PALLD: variants seen among roughly 807,000 people sequenced by gnomAD.
PALLD encodes palladin.
PALLD carries 61 observed loss-of-function variants against 123.5 expected under a neutral mutation model. The ratio of observed to expected loss-of-function variants is 0.49; its 90% CI spans 0.40 to 0.61. The LOEUF (loss-of-function observed/expected upper bound fraction) is 0.61, where lower values mean the gene tolerates loss of function less well. PALLD is among the 20% of genes least tolerant of loss of function. The pLI, the probability that PALLD is intolerant of heterozygous loss-of-function variation, is 0.00. For missense variants in PALLD, 1,273 were observed against 1,377.0 expected (o/e 0.92, Z 1.20); for synonymous variants, 465 against 496.4 (o/e 0.94, Z 0.84).
At chr4:168,877,621 T>A (rs917685320) in intron 10 of PALLD, 46 of 466,816 alleles carry the variant, frequency 9.9e-5, no homozygotes, top group Non-Finnish European at 1.3e-4. Flanking sequence ...TCTCTGCAGC[T>A]GGCCTAAGTG....
intron 10 of PALLD, among the ~76,000 whole-genome samples, chr4:168,826,971 C>T (rs990501852): frequency 3.9e-5 from 6 of 152,284 alleles, no homozygotes; most frequent in South Asian, 2.1e-4. Context: ...GGAATTGTCT[C>T]GGATGTTCAA....
At chr4:168,877,241 G>C (rs1026206381) in intron 10 of PALLD, among the ~76,000 whole-genome samples, 5 of 152,200 alleles carry the variant, frequency 3.3e-5, no homozygotes, top group African/African-American at 9.6e-5. Context: ...ATGTAGAGTT[G>C]ACAGCACTGA....
intron 10 of PALLD, among the ~76,000 whole-genome samples, chr4:168,786,886 T>A (rs1367087748): frequency 6.6e-6 from 1 of 152,198 alleles, no homozygotes; most frequent in Non-Finnish European, 1.5e-5. Context: ...CATGAAAAGC[T>A]GTGGTTTGCA....
In PALLD at chr4:168,679,582, C is replaced by T. The variant is rs143545765; in HGVS notation, c.1088-1750C>T. Among the ~76,000 whole-genome samples the T allele has an allele frequency of 1.0e-3, 145 of 144,810 alleles. 1 individual carries two copies. The Middle Eastern group carries it at 0.045, about 45-fold the overall frequency. On this transcript the variant is annotated intron_variant, in intron 3 of 21. Coordinates refer to ENST00000505667, the MANE Select transcript of PALLD (RefSeq NM_001166108.2). ...GTGTGTGTGTGTGTCCTCTTCACTG[C>T]GTATCCCCCTTACTTATGGAGTGCA... is the stretch of plus-strand genomic sequence containing the variant.
At chr4:168,707,114 C>T (rs1271362635) in intron 8 of PALLD, among the ~76,000 whole-genome samples, 1 of 152,042 alleles carries the variant, frequency 6.6e-6, no homozygotes, top group African/African-American at 2.4e-5. Flanking sequence ...TCTTTTGTTT[C>T]AGGGTTTAAA....
intron 2 of PALLD, among the ~76,000 whole-genome samples, chr4:168,589,671 T>C (rs978887614): frequency 2.6e-5 from 4 of 152,102 alleles, no homozygotes; most frequent in Non-Finnish European, 5.9e-5. Context: ...AAAGAAAAGT[T>C]TGGGGAGTTG....
chr4:168,718,687 A>G (rs571877183), intron 10 of PALLD, among the ~76,000 whole-genome samples: 7 of 152,324 alleles, frequency 4.6e-5, no homozygotes, highest in East Asian at 1.9e-4. Flanking sequence ...TTACATGCCT[A>G]TCAAGCAAAT....
In PALLD at chr4:168,785,846, G is replaced by GATATATATATATATATATATAT. The variant is rs6148775; in HGVS notation, c.1964+73933_1964+73954dup. Among the ~76,000 whole-genome samples the GATATATATATATATATATATAT allele has an allele frequency of 7.5e-3, 608 of 80,640 alleles. 32 individuals are homozygous for GATATATATATATATATATATAT. Among genetic ancestry groups the GATATATATATATATATATATAT allele is most frequent in the Non-Finnish European group, 0.013 (447 of 35,320 alleles). 52.9% of individuals were successfully genotyped at this position (80,640 alleles called of 152,430 possible). ...AGAGTCAGTTCTAATAAACTGTAGA[G>GATATATATATATATATATATAT]ATATATATATATATATATATATATA... On this transcript the variant is annotated intron_variant, in intron 10 of 21. Coordinates refer to ENST00000505667, the MANE Select transcript of PALLD (RefSeq NM_001166108.2).
At chr4:168,799,743 G>A (rs1200397169) in intron 10 of PALLD, among the ~76,000 whole-genome samples, 2 of 152,116 alleles carry the variant, frequency 1.3e-5, no homozygotes, top group Non-Finnish European at 2.9e-5. Flanking sequence ...TGGTGTATCT[G>A]ATGCTACTTT....
At chr4:168,626,586 C>G (rs62335541) in intron 2 of PALLD, among the ~76,000 whole-genome samples, 7,811 of 151,818 alleles carry the variant, frequency 0.051, 302 homozygotes, top group Non-Finnish European at 0.075. Context: ...TGGCACACGA[C>G]TGTCGTCCCT....
chr4:168,500,007 A>G (rs1761229235), intron 1 of PALLD, among the ~76,000 whole-genome samples: 1 of 152,262 alleles, frequency 6.6e-6, no homozygotes, highest in Non-Finnish European at 1.5e-5. Context: ...TTGCAGTTAA[A>G]TGCAGGCTTC....
intron 2 of PALLD, among the ~76,000 whole-genome samples, chr4:168,554,701 G>A (rs904919887): frequency 6.6e-6 from 1 of 152,090 alleles, no homozygotes; most frequent in Non-Finnish European, 1.5e-5. Flanking sequence ...CATATATAAA[G>A]AAACCTTTTT....
At chr4:168,911,434 A>G (rs568583315) in intron 15 of PALLD, among the ~76,000 whole-genome samples, 5 of 152,374 alleles carry the variant, frequency 3.3e-5, no homozygotes, top group Non-Finnish European at 7.3e-5. Context: ...GAAGCCGCAA[A>G]GCACATAATA....
At chr4:168,836,446 G>A (rs973967572) in intron 10 of PALLD, among the ~76,000 whole-genome samples, 3 of 152,148 alleles carry the variant, frequency 2.0e-5, no homozygotes, top group Non-Finnish European at 4.4e-5. Context: ...ATATAGAAGT[G>A]TTAAAAATAG....
chr4:168,660,958 G>A (rs572457465), intron 2 of PALLD, among the ~76,000 whole-genome samples: 2 of 151,122 alleles, frequency 1.3e-5, no homozygotes, highest in East Asian at 3.9e-4. Context: ...AGGCTGGAGT[G>A]CAGTGGCACG....
At chr4:168,762,673 G>A (rs1242587418) in intron 10 of PALLD, among the ~76,000 whole-genome samples, 1 of 152,146 alleles carries the variant, frequency 6.6e-6, no homozygotes, top group Non-Finnish European at 1.5e-5. Context: ...TCCCATTACT[G>A]GGTATATGCT....
At chr4:168,543,647 C>T (rs1415368837) in intron 2 of PALLD, among the ~76,000 whole-genome samples, 1 of 151,952 alleles carries the variant, frequency 6.6e-6, no homozygotes, top group East Asian at 1.9e-4. Flanking sequence ...TATATTATAC[C>T]CTGTCCCAAG....
chr4:168,651,986 C>T (rs1181189620), intron 2 of PALLD, among the ~76,000 whole-genome samples: 1 of 152,082 alleles, frequency 6.6e-6, no homozygotes, highest in Non-Finnish European at 1.5e-5. Context: ...GGCTTCTCAA[C>T]ACTGAGCATA....
intron 10 of PALLD, among the ~76,000 whole-genome samples, chr4:168,827,009 C>G (rs1743507649): frequency 6.6e-6 from 1 of 152,196 alleles, no homozygotes; most frequent in Non-Finnish European, 1.5e-5. Context: ...TAAGCTCAGC[C>G]TGTTTTTTGT....
Sources: gnomAD v4.1 joint callset for allele counts (sites outside exome capture counted in the v4.1 genomes callset) on GRCh38, gnomAD v4.1.1 for gene constraint, MANE v1.5 for transcripts, NCBI Gene and HGNC (gene_info 2026-07-23, HGNC 2026-07-21) for gene names.